ATL1: variants seen among roughly 807,000 people sequenced by gnomAD.
ATL1 encodes the protein atlastin-1.
ATL1 carries 31 observed loss-of-function variants against 75.5 expected under a neutral mutation model. The ratio of observed to expected loss-of-function variants is 0.41; its 90% confidence interval spans 0.31 to 0.55. The LOEUF (loss-of-function observed/expected upper bound fraction) is 0.55. Ranked by LOEUF, ATL1 falls within the 20% of genes least tolerant of loss-of-function variation. ATL1 has a pLI of 0.27. For missense variants in ATL1, 405 were observed against 662.6 expected, an observed-to-expected ratio of 0.61 and a Z score of 4.27; for synonymous variants, 226 against 233.3, an observed-to-expected ratio of 0.97 and a Z score of 0.28.
intron 10 of ATL1, among the ~76,000 whole-genome samples, chr14:50,622,684 A>AT (rs1566733748): frequency 6.6e-6 from 1 of 152,068 alleles, no homozygotes; most frequent in Non-Finnish European, 1.5e-5. Context: ...ATAAGAATAA[A>AT]AAATAAATAA....
At chr14:50,560,395 G>A (rs1416281529) in intron 1 of ATL1, 96 bp downstream of exon 1, 30 of 1,491,098 alleles carry the variant, frequency 2.0e-5, no homozygotes, top group South Asian at 2.4e-5. Context: ...GGGCTGCTAG[G>A]TGCCTGCGTC....
chr14:50,588,432 T>A (rs2039123158), intron 2 of ATL1, among the ~76,000 whole-genome samples: 1 of 152,218 alleles, frequency 6.6e-6, no homozygotes, highest in Admixed American at 6.5e-5. Flanking sequence ...GTATGAAATA[T>A]TTCAAGCATA....
Position 50,632,399 on chromosome 14 carries a change from T to G in ATL1, c.*60T>G. 2.5e-6 allele frequency: 3 copies of G among 1,178,000 alleles called. No individual in the cohort carries two copies. The highest frequency in any genetic ancestry group is 3.8e-6 in the Non-Finnish European group (3 of 797,730). 73.0% of individuals were successfully genotyped at this position (1,178,000 alleles called of 1,614,324 possible). On this transcript the variant is annotated 3_prime_UTR_variant, in exon 14 of 14. Coordinates refer to ENST00000358385, the MANE Select transcript of ATL1 (RefSeq NM_015915.5). ...TGTCAATTAAATATTCAGTTTTATG[T>G]CTCCATGCAAACATTCAAAGTGCTT... is the stretch of plus-strand genomic sequence containing the variant.
At chr14:50,569,958 CTTG>C (rs1352456482) in intron 1 of ATL1, among the ~76,000 whole-genome samples, 7 of 152,228 alleles carry the variant, frequency 4.6e-5, no homozygotes, top group Non-Finnish European at 7.4e-5. Context: ...TCACTTCTCT[CTTG>C]TTGTTTTCAA....
At chr14:50,551,734 A>C (rs550632694) in intron 1 of ATL1, among the ~76,000 whole-genome samples, 1 of 152,326 alleles carries the variant, frequency 6.6e-6, no homozygotes, top group African/African-American at 2.4e-5. Context: ...GCAAATCAAT[A>C]AATGTAATAC....
chr14:50,597,015 GC>G (rs970162513), intron 6 of ATL1, among the ~76,000 whole-genome samples: 1 of 151,944 alleles, frequency 6.6e-6, no homozygotes, highest in Non-Finnish European at 1.5e-5. Context: ...TTCAAGACCA[GC>G]CTGACCAATA....
chr14:50,565,076 C>T (rs1018832639), intron 1 of ATL1, among the ~76,000 whole-genome samples: 1 of 152,050 alleles, frequency 6.6e-6, no homozygotes, highest in Admixed American at 6.6e-5. Context: ...CACCTGAGGT[C>T]AGGAGTTCGA....
chr14:50,586,105 G>A (rs2039099237), intron 1 of ATL1, among the ~76,000 whole-genome samples: 1 of 152,064 alleles, frequency 6.6e-6, no homozygotes, highest in African/African-American at 2.4e-5. Context: ...TGATTGCCTT[G>A]CTTTTATCTA....
In ATL1 at chr14:50,613,243, TC is replaced by T; in HGVS notation, c.631-15del. 1 of 1,596,738 alleles carries T rather than the reference TC, an allele frequency of 6.3e-7. No homozygotes were observed. Among genetic ancestry groups the T allele is most frequent in the Non-Finnish European group, 8.6e-7 (1 of 1,165,258 alleles). ...CCTTAAAGTCCTCATATCAATCCTT[TC>T]TTATTATTTTTTAGAGTCTGATATT... On this transcript the variant is annotated splice_polypyrimidine_tract_variant and intron_variant, in intron 6 of 13. Transcript: ENST00000358385.
chr14:50,564,543 G>A (rs2140179140), intron 1 of ATL1, among the ~76,000 whole-genome samples: 1 of 150,998 alleles, frequency 6.6e-6, no homozygotes, highest in East Asian at 2.0e-4. Context: ...CAGCTACTCG[G>A]GAGGCTGAGG....
intron 5 of ATL1, among the ~76,000 whole-genome samples, chr14:50,595,196 G>A (rs2039202651): frequency 2.0e-5 from 3 of 151,978 alleles, no homozygotes; most frequent in East Asian, 1.9e-4. Flanking sequence ...ATTTATGCAA[G>A]TTCTGCTTCT....
chr14:50,555,067 T>C (rs2038749076), intron 1 of ATL1, among the ~76,000 whole-genome samples: 1 of 152,166 alleles, frequency 6.6e-6, no homozygotes, highest in Non-Finnish European at 1.5e-5. Context: ...GTCAATGGTA[T>C]TTGAGTGGAG....
upstream of ATL1, among the ~76,000 whole-genome samples, chr14:50,555,262 TTTTTGTTTTG>T (rs141877825): frequency 0.65 from 98,115 of 151,340 alleles, 32,060 homozygotes; most frequent in East Asian, 0.75. Context: ...AGTTCCTTCA[TTTTTGTTTTG>T]TTTTGTTTTG....
intron 1 of ATL1, among the ~76,000 whole-genome samples, chr14:50,579,538 G>T (rs1470029759): frequency 6.6e-6 from 1 of 152,056 alleles, no homozygotes; most frequent in Non-Finnish European, 1.5e-5. Flanking sequence ...TTGTTAATTT[G>T]TACAAGAAAG....
intron 13 of ATL1, among the ~76,000 whole-genome samples, chr14:50,631,524 GA>G (rs1480101199): frequency 6.6e-6 from 1 of 152,104 alleles, no homozygotes; most frequent in Non-Finnish European, 1.5e-5. Flanking sequence ...ACGGGGCCAG[GA>G]AACAAAGATA....
At chr14:50,600,978 G>A (rs922463851) in intron 6 of ATL1, among the ~76,000 whole-genome samples, 5 of 152,000 alleles carry the variant, frequency 3.3e-5, no homozygotes, top group South Asian at 2.1e-4. Context: ...GAACTACAGC[G>A]CCTGTAGTCC....
At chr14:50,598,442 C>T (rs895238624) in intron 6 of ATL1, among the ~76,000 whole-genome samples, 1 of 151,864 alleles carries the variant, frequency 6.6e-6, no homozygotes, top group Non-Finnish European at 1.5e-5. Flanking sequence ...CTCACTACAA[C>T]CTCTGCCTCC....
intron 8 of ATL1, among the ~76,000 whole-genome samples, chr14:50,619,160 C>T (rs2039442983): frequency 6.6e-6 from 1 of 152,206 alleles, no homozygotes; most frequent in South Asian, 2.1e-4. Context: ...TCAAGCGATT[C>T]CCCTGCCTCA....
intron 1 of ATL1, among the ~76,000 whole-genome samples, chr14:50,587,173 G>T (rs2039109647): frequency 6.6e-6 from 1 of 152,120 alleles, no homozygotes; most frequent in South Asian, 2.1e-4. Context: ...ATTTCTAGGG[G>T]ATAAAGAAAG....
Sources: gnomAD v4.1 joint callset for allele counts (sites outside exome capture counted in the v4.1 genomes callset) on GRCh38, gnomAD v4.1.1 for gene constraint, MANE v1.5 for transcripts, NCBI Gene and HGNC (gene_info 2026-07-23, HGNC 2026-07-21) for gene names.